The following CSMD1 variants were observed in gnomAD, a reference collection of about 807,000 sequenced individuals.
CSMD1 encodes the protein CUB and Sushi multiple domains 1, also known as CUB and sushi domain-containing protein 1.
In CSMD1, 213 loss-of-function variants were observed where a neutral mutation model predicts 417.5. The ratio of observed to expected loss-of-function variants is 0.51; its 90% CI spans 0.46 to 0.57. CSMD1 has a LOEUF of 0.57. Among genes scored for constraint, CSMD1 ranks in the 20% least tolerant of loss-of-function variants. The pLI is 0.00. For synonymous variants in CSMD1, 2,862 were observed against 1,736.8 expected (o/e 1.65, Z -16.11); for missense variants, 6,923 against 4,529.7 (o/e 1.53, Z -15.17).
intron 38 of CSMD1, among the ~76,000 whole-genome samples, chr8:3,159,271 C>G (rs1029641000): frequency 6.6e-6 from 1 of 152,036 alleles, no homozygotes. Flanking sequence ...TAAACGTTTC[C>G]GATGAGCGAT....
chr8:3,645,183 C>A (rs1442650124), intron 7 of CSMD1, among the ~76,000 whole-genome samples: 1 of 152,068 alleles, frequency 6.6e-6, no homozygotes, highest in African/African-American at 2.4e-5. Context: ...CCTTACTTCA[C>A]TGAGTCCTGG....
At chr8:3,191,534 G>C (rs571665648) in intron 33 of CSMD1, among the ~76,000 whole-genome samples, 3 of 152,254 alleles carry the variant, frequency 2.0e-5, no homozygotes, top group South Asian at 2.1e-4. Context: ...TAAAATGGGA[G>C]GCCTTCATTG....
chr8:3,650,227 G>A (rs36089033), intron 7 of CSMD1, among the ~76,000 whole-genome samples: 67,269 of 151,640 alleles, frequency 0.44, 15,088 homozygotes, highest in Middle Eastern at 0.5. Flanking sequence ...GCAATGACCT[G>A]AGATTGCTTC....
At chr8:4,098,980 T>C (rs1801164871) in intron 3 of CSMD1, among the ~76,000 whole-genome samples, 2 of 152,174 alleles carry the variant, frequency 1.3e-5, no homozygotes, top group South Asian at 4.1e-4. Flanking sequence ...GAGGTAAGAA[T>C]ACACATGAAC....
intron 2 of CSMD1, among the ~76,000 whole-genome samples, chr8:4,453,876 C>T (rs1799310541): frequency 1.6e-5 from 2 of 124,618 alleles, no homozygotes; most frequent in Non-Finnish European, 3.2e-5. Flanking sequence ...CGCTGGAGTG[C>T]ACTGGCGCGA....
Position 3,287,654 on chromosome 8 carries a change from T to A in CSMD1, c.3951-3308A>T, listed in dbSNP as rs1420068404. Among the ~76,000 whole-genome samples the A allele has an allele frequency of 2.6e-5, 4 of 152,222 alleles. No individual in the cohort carries two copies. In the South Asian group the frequency reaches 6.2e-4, roughly 24 times the overall value. On this transcript the variant is annotated intron_variant, in intron 25 of 69. Coordinates refer to ENST00000635120, the MANE Select transcript of CSMD1 (RefSeq NM_033225.6). ...TTGTGATTTTTGCACATTGATTTTG[T>A]ATCCTGAGACTTTGCTGAAGTTGCC...
chr8:4,446,610 G>A (rs183279822), intron 2 of CSMD1, among the ~76,000 whole-genome samples: 55 of 152,260 alleles, frequency 3.6e-4, no homozygotes, highest in African/African-American at 1.2e-3. Flanking sequence ...CTGCAGTGCA[G>A]CAGCGCGATC....
intron 11 of CSMD1, among the ~76,000 whole-genome samples, chr8:3,481,610 T>C (rs1176745458): frequency 6.6e-6 from 1 of 152,156 alleles, no homozygotes; most frequent in South Asian, 2.1e-4. Context: ...GATCGAAATG[T>C]GGGGGATTGT....
At chr8:4,975,170 G>T (rs1420870377) in intron 1 of CSMD1, among the ~76,000 whole-genome samples, 1 of 152,140 alleles carries the variant, frequency 6.6e-6, no homozygotes, top group African/African-American at 2.4e-5. Flanking sequence ...GGGAACCAAG[G>T]TCCTACTGTT....
At chr8:3,712,174 T>A (rs554463591) in intron 6 of CSMD1, among the ~76,000 whole-genome samples, 1 of 125,088 alleles carries the variant, frequency 8.0e-6, no homozygotes, top group Non-Finnish European at 1.8e-5. Flanking sequence ...CGTTCTCTTA[T>A]TGGACAGCTC....
intron 3 of CSMD1, among the ~76,000 whole-genome samples, chr8:4,402,585 G>C (rs761804281): frequency 5.9e-5 from 9 of 152,074 alleles, no homozygotes; most frequent in Middle Eastern, 3.2e-3. Context: ...TTTTATAGAA[G>C]ATGCTTTGAA....
intron 5 of CSMD1, among the ~76,000 whole-genome samples, chr8:3,952,001 T>G (rs768719300): frequency 6.6e-6 from 1 of 152,186 alleles, no homozygotes; most frequent in Non-Finnish European, 1.5e-5. Context: ...TTGGAACAAC[T>G]TCACCATTTA....
intron 3 of CSMD1, among the ~76,000 whole-genome samples, chr8:4,113,087 C>G (rs1312152661): frequency 3.3e-5 from 5 of 152,160 alleles, no homozygotes; most frequent in African/African-American, 4.8e-5. Flanking sequence ...AGACAGTGAA[C>G]TTAAATGATT....
intron 38 of CSMD1, among the ~76,000 whole-genome samples, chr8:3,160,786 C>G (rs1027894515): frequency 5.9e-5 from 9 of 152,162 alleles, no homozygotes; most frequent in African/African-American, 2.2e-4. Flanking sequence ...ACATGGTACC[C>G]ATGTCCCACG....
chr8:4,208,448 G>C (rs949855928), intron 3 of CSMD1, among the ~76,000 whole-genome samples: 2 of 151,998 alleles, frequency 1.3e-5, no homozygotes, highest in Non-Finnish European at 2.9e-5. Flanking sequence ...AAATTTCTTT[G>C]GCTATAAAAA....
intron 24 of CSMD1, among the ~76,000 whole-genome samples, 197 bp downstream of exon 24, chr8:3,308,115 C>T (rs934801160): frequency 6.6e-6 from 1 of 151,988 alleles, no homozygotes; most frequent in Non-Finnish European, 1.5e-5. Context: ...GTCTCCATAA[C>T]AGAATACTAG....
chr8:3,350,209 A>C (rs1808324460), intron 21 of CSMD1, among the ~76,000 whole-genome samples: 1 of 128,718 alleles, frequency 7.8e-6, no homozygotes, highest in Non-Finnish European at 1.6e-5. Flanking sequence ...TGTGTGTTAT[A>C]ATACCTATAA....
rs1036790850 is a variant in CSMD1, at chr8:3,281,941, C to T, written c.4153+2203G>A. On this transcript the variant is annotated intron_variant, in intron 26 of 69. Transcript: ENST00000635120. The stretch of plus-strand genomic sequence containing the variant: ...CTCAGGAGATCTGATTGTTTAAAAG[C>T]ACGTAGCACCTTCCGCTTCACTCTG... 5.3e-5 allele frequency among the ~76,000 whole-genome samples: 8 copies of T among 152,156 alleles called. No individual in the cohort carries two copies. The East Asian group carries it at 1.4e-3, about 26-fold the overall frequency.
At chr8:3,342,219 G>C (rs745935939) in intron 23 of CSMD1, among the ~76,000 whole-genome samples, 3 of 152,118 alleles carry the variant, frequency 2.0e-5, no homozygotes, top group Non-Finnish European at 4.4e-5. Context: ...TTCTTCACCT[G>C]TGATTTTTTC....
Sources: gnomAD v4.1 joint callset for allele counts (sites outside exome capture counted in the v4.1 genomes callset) on GRCh38, gnomAD v4.1.1 for gene constraint, MANE v1.5 for transcripts, NCBI Gene and HGNC (gene_info 2026-07-23, HGNC 2026-07-21) for gene names.